SEM1: variants seen among roughly 807,000 people sequenced by gnomAD.
SEM1 encodes the protein 26S proteasome complex subunit SEM1.
SEM1 carries 3 observed loss-of-function variants against 12.7 expected under a neutral mutation model. That is an observed-to-expected ratio of 0.24 (90% CI 0.11 to 0.61). The LOEUF is 0.61. Ranked by LOEUF, SEM1 falls within the 20% of genes least tolerant of loss-of-function variation. SEM1 has a pLI of 0.88. For missense variants in SEM1, 59 were observed against 81.3 expected (o/e 0.73, Z 1.06); for synonymous variants, 30 against 27.8 (o/e 1.08, Z -0.25).
chr7:96,492,668 C>T (rs187894975), intron 1 of SEM1, among the ~76,000 whole-genome samples: 2 of 134,806 alleles, frequency 1.5e-5, no homozygotes, highest in Admixed American at 1.7e-4. Context: ...TGGGCTCAAG[C>T]GATCCACCAG....
intron 2 of SEM1, among the ~76,000 whole-genome samples, chr7:96,516,945 A>G (rs943553631): frequency 6.6e-6 from 1 of 152,200 alleles, no homozygotes; most frequent in African/African-American, 2.4e-5. Context: ...ACATAAATGC[A>G]TATTTCCAGT....
chr7:96,533,268 T>A (rs759191670), intron 2 of SEM1, among the ~76,000 whole-genome samples: 1 of 152,032 alleles, frequency 6.6e-6, no homozygotes, highest in East Asian at 1.9e-4. Context: ...GCAAAACCCA[T>A]GCTGACCTTG....
intron 2 of SEM1, among the ~76,000 whole-genome samples, chr7:96,547,650 T>G (rs1805143438): frequency 6.6e-6 from 1 of 152,114 alleles, no homozygotes; most frequent in Admixed American, 6.6e-5. Context: ...AGTGTGCAAT[T>G]AGTTCTATTA....
At chr7:96,508,817 G>T (rs577522278) in intron 2 of SEM1, among the ~76,000 whole-genome samples, 1 of 152,204 alleles carries the variant, frequency 6.6e-6, no homozygotes, top group African/African-American at 2.4e-5. Context: ...AGCTACTGTG[G>T]AGAATCTTCA....
rs773559099 is a variant in SEM1 at position 96,496,313 on chromosome 7, G to C, written c.-18C>G. 3 of 1,506,400 alleles carry C rather than the reference G, an allele frequency of 2.0e-6. No homozygotes were observed. The South Asian group carries it at 3.6e-5, about 18-fold the overall frequency. 93.3% of individuals were successfully genotyped at this position (1,506,400 alleles called of 1,614,324 possible). ...CAATACATGTTCTTCCTTCAGAGCT[G>C]CATAGCATCATCTGATGTATTTGTT... On this transcript the variant is annotated 5_prime_UTR_variant, in exon 1 of 4. Coordinates refer to the SEM1 transcript ENST00000356686.
chr7:96,601,380 G>A (rs74712217), intron 2 of SEM1, among the ~76,000 whole-genome samples: 2 of 152,168 alleles, frequency 1.3e-5, no homozygotes, highest in Non-Finnish European at 1.5e-5. Flanking sequence ...GGAGGATGGG[G>A]TGGGCTATGG....
chr7:96,541,142 G>A (rs1261151436), intron 2 of SEM1, among the ~76,000 whole-genome samples: 4 of 151,776 alleles, frequency 2.6e-5, no homozygotes, highest in African/African-American at 4.8e-5. Flanking sequence ...TCTGCTTTAC[G>A]TACTTTGAGA....
chr7:96,485,293 T>C (rs1802707798), intron 2 of SEM1, among the ~76,000 whole-genome samples: 1 of 152,142 alleles, frequency 6.6e-6, no homozygotes, highest in African/African-American at 2.4e-5. Context: ...ATTGATTCTC[T>C]TACAGTTCTG....
At chr7:96,654,994 G>A (rs1809131185) in intron 2 of SEM1, among the ~76,000 whole-genome samples, 2 of 152,158 alleles carry the variant, frequency 1.3e-5, no homozygotes, top group African/African-American at 4.8e-5. Flanking sequence ...CCAGGCTCCA[G>A]GCCAGTAGTT....
intron 2 of SEM1, among the ~76,000 whole-genome samples, chr7:96,558,700 C>G (rs1397305611): frequency 6.6e-6 from 1 of 152,168 alleles, no homozygotes; most frequent in African/African-American, 2.4e-5. Flanking sequence ...TCTTCGTAAA[C>G]TGCTCATTTG....
chr7:96,679,632 G>C (rs1295399050), intron 2 of SEM1, among the ~76,000 whole-genome samples: 2 of 152,018 alleles, frequency 1.3e-5, no homozygotes, highest in African/African-American at 4.8e-5. Context: ...TTAGTGATCT[G>C]ATTGACCTCT....
chr7:96,488,330 T>C (rs1409315108), intron 1 of SEM1, among the ~76,000 whole-genome samples: 1 of 152,196 alleles, frequency 6.6e-6, no homozygotes, highest in East Asian at 1.9e-4. Context: ...TAATACTTTC[T>C]CTTGTACTGG....
intron 2 of SEM1, among the ~76,000 whole-genome samples, chr7:96,614,102 C>T (rs1343873120): frequency 6.6e-6 from 1 of 151,496 alleles, no homozygotes; most frequent in East Asian, 1.9e-4. Context: ...TATCCATCTA[C>T]TGTATTTTCA....
chr7:96,484,471 T>G (rs1041305952), intron 3 of SEM1, among the ~76,000 whole-genome samples: 1 of 152,192 alleles, frequency 6.6e-6, no homozygotes, highest in Non-Finnish European at 1.5e-5. Flanking sequence ...ATGCTAAGTG[T>G]GGCTACATGT....
intron 2 of SEM1, among the ~76,000 whole-genome samples, chr7:96,509,312 C>T (rs58023952): frequency 0.022 from 3,270 of 151,830 alleles, 113 homozygotes; most frequent in African/African-American, 0.075. Context: ...AATCAAGAGA[C>T]GCAATCTTTA....
At chr7:96,551,866 G>T (rs1258074862) in intron 2 of SEM1, among the ~76,000 whole-genome samples, 1 of 152,166 alleles carries the variant, frequency 6.6e-6, no homozygotes, top group Non-Finnish European at 1.5e-5. Flanking sequence ...CTCCCCTAGA[G>T]CCTCTGGAAG....
intron 2 of SEM1, among the ~76,000 whole-genome samples, chr7:96,572,022 C>T (rs1400140786): frequency 1.3e-5 from 2 of 151,984 alleles, no homozygotes; most frequent in African/African-American, 4.8e-5. Flanking sequence ...GGAGAGTGTA[C>T]ATGTACAGGA....
chr7:96,639,050 A>G (rs896547182), intron 2 of SEM1, among the ~76,000 whole-genome samples: 6 of 151,972 alleles, frequency 3.9e-5, no homozygotes, highest in Admixed American at 3.3e-4. Context: ...ACCTGACAAA[A>G]AACCAGAACA....
At chr7:96,524,298 C>T (rs1348888164) in intron 2 of SEM1, among the ~76,000 whole-genome samples, 1 of 152,098 alleles carries the variant, frequency 6.6e-6, no homozygotes, top group African/African-American at 2.4e-5. Flanking sequence ...AAGATATAGA[C>T]CAAAGCTGCT....
Sources: gnomAD v4.1 joint callset for allele counts (sites outside exome capture counted in the v4.1 genomes callset) on GRCh38, gnomAD v4.1.1 for gene constraint, MANE v1.5 for transcripts, NCBI Gene and HGNC (gene_info 2026-07-23, HGNC 2026-07-21) for gene names.